Variants in LUZP2 observed in about 807,000 individuals in gnomAD.
LUZP2 encodes the protein leucine zipper protein 2.
Under a neutral mutation model 51.6 loss-of-function variants are expected in LUZP2, and 52 were observed. That is an observed-to-expected ratio of 1.01 (90% CI 0.81 to 1.27). The LOEUF (loss-of-function observed/expected upper bound fraction) is 1.27, where lower values mean the gene tolerates loss of function less well. LUZP2 is among the 50% of genes most tolerant of loss of function. LUZP2 has a pLI of 0.00. For synonymous variants in LUZP2, 154 were observed against 137.3 expected (o/e 1.12, Z -0.85); for missense variants, 436 against 395.4 (o/e 1.10, Z -0.87).
chr11:24,713,704 T>TC lies in LUZP2; in HGVS notation c.63-15464dup, dbSNP rs398015601. Among the ~76,000 whole-genome samples, 16 of 148,308 alleles carry TC rather than the reference T, an allele frequency of 1.1e-4. No homozygotes were observed. In the East Asian group the frequency reaches 1.2e-3, roughly 11 times the overall value. ...ATCTGTTTTTTTTTTTTTTTTTTTT[T>TC]CTGAGATGGAGTCTTGCTCTATCAC... On this transcript the variant is annotated intron_variant, in intron 1 of 11. Transcript: ENST00000336930.
At chr11:24,703,069 A>G (rs1164887835) in intron 1 of LUZP2, among the ~76,000 whole-genome samples, 1 of 152,262 alleles carries the variant, frequency 6.6e-6, no homozygotes, top group African/African-American at 2.4e-5. Context: ...ATGAATGTGA[A>G]GAATGATACC....
At chr11:25,063,931 C>A (rs1858924223) in intron 10 of LUZP2, among the ~76,000 whole-genome samples, 1 of 151,810 alleles carries the variant, frequency 6.6e-6, no homozygotes, top group South Asian at 2.1e-4. Context: ...GGTGAAAAAA[C>A]CAGACTCAAT....
chr11:24,925,603 C>A (rs1310082146), intron 7 of LUZP2, among the ~76,000 whole-genome samples: 1 of 151,992 alleles, frequency 6.6e-6, no homozygotes, highest in Admixed American at 6.6e-5. Context: ...TAAAAGTTCA[C>A]ACATTTCTTA....
intron 9 of LUZP2, among the ~76,000 whole-genome samples, chr11:25,037,295 C>T (rs1857896667): frequency 6.6e-6 from 1 of 151,674 alleles, no homozygotes; most frequent in South Asian, 2.1e-4. Flanking sequence ...TTTTTGTTTC[C>T]CATTCGCTTG....
intron 4 of LUZP2, chr11:24,763,022 AAT>A (rs1860038404): frequency 1.3e-5 from 10 of 748,942 alleles, no homozygotes; most frequent in Non-Finnish European, 1.6e-5. Context: ...TTAAAAAAAA[AAT>A]AATAAATAGT....
At chr11:24,666,573 T>C (rs1856219549) in intron 1 of LUZP2, among the ~76,000 whole-genome samples, 1 of 152,124 alleles carries the variant, frequency 6.6e-6, no homozygotes, top group African/African-American at 2.4e-5. Flanking sequence ...ATGCAGGAGC[T>C]ATTCTCAGAC....
intron 7 of LUZP2, among the ~76,000 whole-genome samples, chr11:24,952,024 C>A (rs1855093129): frequency 6.6e-6 from 1 of 151,498 alleles, no homozygotes; most frequent in South Asian, 2.1e-4. Flanking sequence ...GATTTGAATA[C>A]AAGTCATTAT....
At chr11:24,872,650 C>T (rs1852119326) in intron 5 of LUZP2, among the ~76,000 whole-genome samples, 1 of 152,000 alleles carries the variant, frequency 6.6e-6, no homozygotes, top group Admixed American at 6.6e-5. Context: ...TTTAATCAAA[C>T]AGTAAATCTA....
At chr11:25,010,624 G>A (rs1324436366) in intron 9 of LUZP2, among the ~76,000 whole-genome samples, 3 of 152,042 alleles carry the variant, frequency 2.0e-5, no homozygotes, top group Admixed American at 1.3e-4. Context: ...AGGGAGGCTT[G>A]AACTACTTGA....
intron 1 of LUZP2, among the ~76,000 whole-genome samples, chr11:24,684,212 A>G (rs1856829625): frequency 6.6e-6 from 1 of 152,062 alleles, no homozygotes; most frequent in Non-Finnish European, 1.5e-5. Context: ...AGCTTTATGA[A>G]TATTTAATTT....
At chr11:25,069,663 T>G (rs1859098523) in intron 10 of LUZP2, among the ~76,000 whole-genome samples, 1 of 151,812 alleles carries the variant, frequency 6.6e-6, no homozygotes, top group Admixed American at 6.6e-5. Flanking sequence ...AGTGACAGGG[T>G]ATACATGTCT....
chr11:24,660,678 C>T (rs886417656), intron 1 of LUZP2, among the ~76,000 whole-genome samples: 2 of 152,092 alleles, frequency 1.3e-5, no homozygotes, highest in Non-Finnish European at 2.9e-5. Flanking sequence ...TCAGAAAATG[C>T]ATTCACCGTA....
intron 5 of LUZP2, among the ~76,000 whole-genome samples, chr11:24,890,229 C>T (rs1034897257): frequency 2.6e-5 from 4 of 152,116 alleles, no homozygotes; most frequent in Non-Finnish European, 4.4e-5. Context: ...TACAGAGTCT[C>T]AAATTCTGTT....
intron 1 of LUZP2, among the ~76,000 whole-genome samples, chr11:24,502,901 G>C (rs999246230): frequency 1.3e-5 from 2 of 152,110 alleles, no homozygotes; most frequent in African/African-American, 2.4e-5. Context: ...AAACTATATA[G>C]GTAGGGTAGA....
At chr11:24,783,404 C>T (rs1311822257) in intron 5 of LUZP2, among the ~76,000 whole-genome samples, 1 of 151,860 alleles carries the variant, frequency 6.6e-6, no homozygotes, top group African/African-American at 2.4e-5. Context: ...ACAACTCAAG[C>T]TTACCTGGTA....
At chr11:25,001,812 T>C (rs181809267) in intron 9 of LUZP2, among the ~76,000 whole-genome samples, 1 of 152,256 alleles carries the variant, frequency 6.6e-6, no homozygotes, top group Non-Finnish European at 1.5e-5. Context: ...TCTGTCTCCT[T>C]CTCTTTGACT....
At chr11:24,715,759 G>A (rs955957670) in intron 1 of LUZP2, among the ~76,000 whole-genome samples, 3 of 152,012 alleles carry the variant, frequency 2.0e-5, no homozygotes, top group Admixed American at 1.3e-4. Flanking sequence ...CTATATTACA[G>A]AAATAAAATT....
intron 5 of LUZP2, among the ~76,000 whole-genome samples, chr11:24,763,838 A>AT (rs1242070129): frequency 6.6e-6 from 1 of 152,088 alleles, no homozygotes; most frequent in East Asian, 1.9e-4. Context: ...AATTACTTTA[A>AT]TTTTTTATAA....
In LUZP2 at chr11:24,671,810, A is replaced by G. The variant is rs79843077; in HGVS notation, c.63-57359A>G. On this transcript the variant is annotated intron_variant, in intron 1 of 11. Coordinates refer to ENST00000336930, the MANE Select transcript of LUZP2 (RefSeq NM_001009909.4). The stretch of plus-strand genomic sequence containing the variant: ...AAACAGTATGGCCTTACTAATGACT[A>G]TAAAACATAAAGGTAGCCCATGTAA... Among the ~76,000 whole-genome samples, 1,325 of 152,292 alleles carry G rather than the reference A, an allele frequency of 8.7e-3. 16 individuals carry two copies. Among genetic ancestry groups the G allele is most frequent in the African/African-American group, 0.03 (1,243 of 41,572 alleles).
Sources: gnomAD v4.1 joint callset for allele counts (sites outside exome capture counted in the v4.1 genomes callset) on GRCh38, gnomAD v4.1.1 for gene constraint, MANE v1.5 for transcripts, NCBI Gene and HGNC (gene_info 2026-07-23, HGNC 2026-07-21) for gene names.